Variants in TRHDE observed in about 807,000 individuals in gnomAD.
TRHDE encodes the protein thyrotropin-releasing hormone-degrading ectoenzyme.
TRHDE carries 72 observed loss-of-function variants against 125.7 expected under a neutral mutation model. The ratio of observed to expected loss-of-function variants is 0.57; its 90% CI spans 0.47 to 0.70. TRHDE has a LOEUF of 0.70. Ranked by LOEUF, TRHDE falls within the 30% of genes least tolerant of loss-of-function variation. The pLI is 0.00. For missense variants in TRHDE, 1,110 were observed against 1,327.1 expected (o/e 0.84, Z 2.54); for synonymous variants, 509 against 509.1 (o/e 1.00, Z 0.00).
chr12:72,634,870 A>G (rs561296164), intron 15 of TRHDE, among the ~76,000 whole-genome samples: 140 of 151,940 alleles, frequency 9.2e-4, no homozygotes, highest in South Asian at 2.3e-3. Context: ...CATGGTGTAT[A>G]TGTGCCACAT....
intron 13 of TRHDE, among the ~76,000 whole-genome samples, chr12:72,619,694 C>A (rs1872964446): frequency 6.6e-6 from 1 of 152,174 alleles, no homozygotes; most frequent in South Asian, 2.1e-4. Flanking sequence ...GGATTAAGTA[C>A]TGCTCATGAG....
intron 2 of TRHDE, among the ~76,000 whole-genome samples, chr12:72,153,337 C>A (rs1876416804): frequency 6.6e-6 from 1 of 152,032 alleles, no homozygotes; most frequent in Non-Finnish European, 1.5e-5. Flanking sequence ...CTGATCTTTT[C>A]AAAAAACCAG....
At chr12:72,490,767 A>T (rs919950459) in intron 5 of TRHDE, among the ~76,000 whole-genome samples, 1 of 151,478 alleles carries the variant, frequency 6.6e-6, no homozygotes, top group African/African-American at 2.4e-5. Context: ...AAAAAAAAAA[A>T]AAAAACAACC....
At chr12:72,146,647 G>A (rs138691312) in intron 2 of TRHDE, among the ~76,000 whole-genome samples, 1 of 152,228 alleles carries the variant, frequency 6.6e-6, no homozygotes, top group Non-Finnish European at 1.5e-5. Flanking sequence ...GCCTCGGCAA[G>A]TGCTCCTGCT....
intron 6 of TRHDE, among the ~76,000 whole-genome samples, chr12:72,514,835 T>G (rs1878765265): frequency 7.7e-6 from 1 of 130,416 alleles, no homozygotes; most frequent in Non-Finnish European, 1.6e-5. Context: ...CCCCTTCCTG[T>G]GTCCATGTGT....
chr12:72,364,439 A>G (rs1230751970), intron 2 of TRHDE, among the ~76,000 whole-genome samples: 2 of 151,986 alleles, frequency 1.3e-5, no homozygotes, highest in Admixed American at 6.6e-5. Context: ...TATAAATTGT[A>G]TTTATCTGGC....
In TRHDE at chr12:72,273,756, G is replaced by T. The variant is rs1592511616; in HGVS notation, c.914+199G>T. On this transcript the variant is annotated intron_variant, in intron 1 of 18. Coordinates refer to ENST00000261180, the MANE Select transcript of TRHDE (RefSeq NM_013381.3). The surrounding 1 kb of genome is among the most constrained non-coding windows in gnomAD (Gnocchi z 5.3). ...TCGGGGTCTCGCTGCCGCCAACTTC[G>T]CAAACTGACTCACCGGTGCCAAAAG... is the stretch of plus-strand genomic sequence containing the variant. The T allele has an allele frequency of 1.8e-6, 1 of 561,376 alleles. No homozygotes were observed. Among genetic ancestry groups the T allele is most frequent in the East Asian group, 2.8e-5 (1 of 35,556 alleles). The allele number at this position is 561,376 out of a possible 1,614,324, so 34.8% of individuals were successfully genotyped here. A position where few individuals can be genotyped will look rare whatever the true frequency, so the allele number is the denominator to read the frequency against.
chr12:72,269,288 AT>A (rs1459761927), upstream of TRHDE, among the ~76,000 whole-genome samples: 2 of 152,152 alleles, frequency 1.3e-5, no homozygotes, highest in African/African-American at 4.8e-5. Flanking sequence ...AGGAAGAAAT[AT>A]TTACCTACTT....
chr12:72,504,192 G>A (rs543631409), intron 6 of TRHDE, among the ~76,000 whole-genome samples: 2 of 152,204 alleles, frequency 1.3e-5, no homozygotes, highest in East Asian at 1.9e-4. Context: ...TGATTAAGTG[G>A]AACATCAAAG....
chr12:72,496,842 C>G (rs1877940201), intron 5 of TRHDE, among the ~76,000 whole-genome samples: 2 of 152,156 alleles, frequency 1.3e-5, no homozygotes, highest in Admixed American at 1.3e-4. Flanking sequence ...ATGAGAGCCC[C>G]TGCCAGGGCT....
At chr12:72,183,670 G>T (rs1877142658) in intron 2 of TRHDE, among the ~76,000 whole-genome samples, 1 of 151,926 alleles carries the variant, frequency 6.6e-6, no homozygotes, top group South Asian at 2.1e-4. Flanking sequence ...GAGAGATGAG[G>T]GCTTCTTCAT....
intron 6 of TRHDE, among the ~76,000 whole-genome samples, chr12:72,516,553 A>C (rs796753786): frequency 6.6e-6 from 1 of 152,132 alleles, no homozygotes; most frequent in African/African-American, 2.4e-5. Context: ...GGCTGAGACA[A>C]TGGGGTTTTC....
chr12:72,295,791 A>AT (rs11375680), intron 2 of TRHDE, among the ~76,000 whole-genome samples: 106,035 of 150,956 alleles, frequency 0.7, 37,229 homozygotes, highest in East Asian at 0.84. Flanking sequence ...CATGTATTCT[A>AT]TTTTTTTTTT....
chr12:72,384,477 A>G (rs1263134232), intron 3 of TRHDE, among the ~76,000 whole-genome samples: 1 of 152,192 alleles, frequency 6.6e-6, no homozygotes, highest in Admixed American at 6.5e-5. Flanking sequence ...ATTTAGCACT[A>G]TGTTGAAAGA....
At chr12:72,153,823 G>A (rs1379006146) in intron 2 of TRHDE, among the ~76,000 whole-genome samples, 3 of 152,168 alleles carry the variant, frequency 2.0e-5, no homozygotes, top group African/African-American at 4.8e-5. Context: ...CAACTATGTG[G>A]TCAATTTTGG....
At chr12:72,594,492 A>G (rs1455637207) in intron 12 of TRHDE, among the ~76,000 whole-genome samples, 1 of 143,188 alleles carries the variant, frequency 7.0e-6, no homozygotes, top group Admixed American at 6.8e-5. Flanking sequence ...CTCTGGGATT[A>G]CAGATGTGAG....
At chr12:72,385,202 T>C (rs1872359698) in intron 3 of TRHDE, among the ~76,000 whole-genome samples, 1 of 152,088 alleles carries the variant, frequency 6.6e-6, no homozygotes, top group Non-Finnish European at 1.5e-5. Flanking sequence ...TTATATAATG[T>C]GAATTCACTC....
intron 3 of TRHDE, among the ~76,000 whole-genome samples, chr12:72,433,887 A>G (rs1874613444): frequency 6.6e-6 from 1 of 152,016 alleles, no homozygotes; most frequent in East Asian, 1.9e-4. Context: ...GGAGCTGGTG[A>G]TGAGGAGAAT....
chr12:72,235,002 A>G (rs188173511), intron 2 of TRHDE, among the ~76,000 whole-genome samples: 82 of 152,316 alleles, frequency 5.4e-4, no homozygotes, highest in African/African-American at 1.9e-3. Flanking sequence ...TGGTAAGGAA[A>G]TTGGAACTCA....
Sources: allele counts gnomAD v4.1 joint callset (sites outside exome capture counted in the v4.1 genomes callset), GRCh38; gene constraint gnomAD v4.1.1; non-coding constraint Gnocchi (gnomAD v3.1); transcripts MANE v1.5; gene names NCBI Gene and HGNC (gene_info 2026-07-23, HGNC 2026-07-21).